The following CDIN1 variants were observed in gnomAD, a reference collection of about 807,000 sequenced individuals.
The protein encoded by CDIN1 is CDAN1 interacting nuclease 1.
Under a neutral mutation model 45.3 loss-of-function variants are expected in CDIN1, and 33 were observed. The observed-to-expected ratio is 0.73, with a 90% confidence interval of 0.55 to 0.97. CDIN1 has a LOEUF of 0.97. Ranked by LOEUF, CDIN1 falls within the 50% of genes least tolerant of loss-of-function variation. The pLI, the probability that CDIN1 is intolerant of heterozygous loss-of-function variation, is 0.00. For missense variants in CDIN1, 303 were observed against 339.4 expected (o/e 0.89, Z 0.84); for synonymous variants, 118 against 124.4 (o/e 0.95, Z 0.34).
intron 1 of CDIN1, among the ~76,000 whole-genome samples, chr15:36,626,154 A>T (rs2039413190): frequency 6.6e-6 from 1 of 151,362 alleles, no homozygotes; most frequent in Non-Finnish European, 1.5e-5. Flanking sequence ...TTATTTTTAA[A>T]TTTTTGTTTA....
chr15:36,600,840 A>T (rs887057736), intron 1 of CDIN1, among the ~76,000 whole-genome samples: 25 of 152,286 alleles, frequency 1.6e-4, no homozygotes, highest in Admixed American at 8.5e-4. Context: ...TTGATGTAAA[A>T]CTGGACAAAA....
intron 10 of CDIN1, among the ~76,000 whole-genome samples, chr15:36,792,807 A>T (rs1358849380): frequency 6.6e-6 from 1 of 152,040 alleles, no homozygotes; most frequent in East Asian, 1.9e-4. Flanking sequence ...ACTTGATAGG[A>T]TTGGGCTTTC....
intron 3 of CDIN1, chr15:36,648,478 C>T (rs1052434853): frequency 1.6e-5 from 2 of 126,296 alleles, no homozygotes; most frequent in African/African-American, 6.1e-5. Context: ...GTCGCCCAGG[C>T]TGGAGTGCAG....
chr15:36,767,213 ACT>A (rs1218983035), intron 10 of CDIN1, among the ~76,000 whole-genome samples: 4 of 151,932 alleles, frequency 2.6e-5, no homozygotes, highest in Admixed American at 1.3e-4. Flanking sequence ...CTCAGAGTTG[ACT>A]CTGAATCTTG....
chr15:36,784,871 G>A (rs990517373), intron 10 of CDIN1, among the ~76,000 whole-genome samples: 1 of 152,158 alleles, frequency 6.6e-6, no homozygotes, highest in Non-Finnish European at 1.5e-5. Context: ...TGGAATTCCT[G>A]TAAGCTCCAC....
At chr15:36,682,558 G>A (rs1204116941) in intron 5 of CDIN1, among the ~76,000 whole-genome samples, 10 of 150,066 alleles carry the variant, frequency 6.7e-5, no homozygotes, top group Admixed American at 1.3e-4. Context: ...TGGATTGCTT[G>A]AGCCCAAGAG....
intron 1 of CDIN1, among the ~76,000 whole-genome samples, chr15:36,604,437 A>ACACG (rs1298812931): frequency 2.6e-5 from 4 of 151,392 alleles, no homozygotes; most frequent in Non-Finnish European, 5.9e-5. Flanking sequence ...ACACACACAC[A>ACACG]CACACACACA....
At chr15:36,771,553 C>T (rs1437748830) in intron 10 of CDIN1, among the ~76,000 whole-genome samples, 1 of 152,150 alleles carries the variant, frequency 6.6e-6, no homozygotes, top group Non-Finnish European at 1.5e-5. Flanking sequence ...TTGCTTTCAA[C>T]CACGCTTCAA....
chr15:36,737,653 T>C (rs573693362), intron 10 of CDIN1, among the ~76,000 whole-genome samples: 2 of 152,328 alleles, frequency 1.3e-5, no homozygotes, highest in East Asian at 1.9e-4. Context: ...TAAGCAGTTA[T>C]GGGATCAGAT....
At chr15:36,692,265 C>A in intron 7 of CDIN1, 90 bp downstream of exon 7, 1 of 1,202,636 alleles carries the variant, frequency 8.3e-7, no homozygotes, top group Non-Finnish European at 1.2e-6. Flanking sequence ...TAAAGTTCTG[C>A]TTCACAAAAC....
At chr15:36,772,067 G>A (rs948598700) in intron 10 of CDIN1, among the ~76,000 whole-genome samples, 2 of 152,142 alleles carry the variant, frequency 1.3e-5, no homozygotes, top group Non-Finnish European at 2.9e-5. Context: ...CAGAAGTGAG[G>A]ATCCTCTTTG....
At chr15:36,766,607 C>T (rs28870157) in intron 10 of CDIN1, among the ~76,000 whole-genome samples, 1 of 151,988 alleles carries the variant, frequency 6.6e-6, no homozygotes, top group Admixed American at 6.6e-5. Context: ...TTTATAATAG[C>T]CATTCTAACA....
intron 10 of CDIN1, among the ~76,000 whole-genome samples, chr15:36,777,879 G>A (rs1319783967): frequency 1.3e-5 from 2 of 152,194 alleles, no homozygotes; most frequent in Admixed American, 6.5e-5. Context: ...CCAAAGTGCT[G>A]GGATTATAGG....
intron 10 of CDIN1, among the ~76,000 whole-genome samples, chr15:36,756,597 A>T (rs945761504): frequency 6.6e-6 from 1 of 152,188 alleles, no homozygotes; most frequent in Non-Finnish European, 1.5e-5. Context: ...AGGATAGTTT[A>T]AAAAAATAAA....
chr15:36,745,226 A>G (rs1271564227), intron 10 of CDIN1, among the ~76,000 whole-genome samples: 1 of 150,420 alleles, frequency 6.6e-6, no homozygotes, highest in Non-Finnish European at 1.5e-5. Flanking sequence ...TAAGTTAAAC[A>G]CTTCATTTGT....
chr15:36,664,798 G>T (rs138082051), intron 5 of CDIN1, among the ~76,000 whole-genome samples: 5 of 152,124 alleles, frequency 3.3e-5, no homozygotes, highest in Middle Eastern at 3.2e-3. Flanking sequence ...CGCCCGCCTT[G>T]GCCTCCCAAA....
At chr15:36,656,193 A>G (rs2140460702) in intron 4 of CDIN1, among the ~76,000 whole-genome samples, 1 of 152,346 alleles carries the variant, frequency 6.6e-6, no homozygotes, top group East Asian at 1.9e-4. Flanking sequence ...ATACTTAGAT[A>G]ACATACACTT....
intron 5 of CDIN1, among the ~76,000 whole-genome samples, chr15:36,677,646 G>C (rs1312991138): frequency 6.6e-6 from 1 of 152,158 alleles, no homozygotes; most frequent in Non-Finnish European, 1.5e-5. Flanking sequence ...ATTTAATCAA[G>C]TGCCCAATGA....
chr15:36,691,802 G>A (rs962097311), intron 6 of CDIN1, 38 bp downstream of exon 6: 7 of 1,408,270 alleles, frequency 5.0e-6, no homozygotes, highest in African/African-American at 2.8e-5. Context: ...TGGCAATGCT[G>A]TTATCTGCCT....
Sources: gnomAD v4.1 joint callset for allele counts (sites outside exome capture counted in the v4.1 genomes callset) on GRCh38, gnomAD v4.1.1 for gene constraint, MANE v1.5 for transcripts, NCBI Gene and HGNC (gene_info 2026-07-23, HGNC 2026-07-21) for gene names.